RBFOX1: variants seen among roughly 807,000 people sequenced by gnomAD.
The protein encoded by RBFOX1 is RNA binding protein fox-1 homolog 1.
Under a neutral mutation model 57.7 loss-of-function variants are expected in RBFOX1, and 8 were observed. The observed-to-expected ratio is 0.14, with a 90% CI of 0.08 to 0.25. RBFOX1 has a LOEUF of 0.25. RBFOX1 is among the 10% of genes least tolerant of loss of function. The probability of loss-of-function intolerance (pLI) is 1.00; values close to 1 mark genes in which losing one functional copy is unlikely to be tolerated. For synonymous variants in RBFOX1, 326 were observed against 222.4 expected (o/e 1.47, Z -4.15); for missense variants, 611 against 548.5 (o/e 1.11, Z -1.14).
At chr16:6,620,198 A>G (rs1422965042) in intron 2 of RBFOX1, among the ~76,000 whole-genome samples, 1 of 152,216 alleles carries the variant, frequency 6.6e-6, no homozygotes, top group Non-Finnish European at 1.5e-5. Context: ...GAATTCACTC[A>G]AAACCATACA....
intron 3 of RBFOX1, among the ~76,000 whole-genome samples, chr16:5,705,001 A>T (rs1273873921): frequency 6.8e-6 from 1 of 146,572 alleles, no homozygotes; most frequent in Non-Finnish European, 1.5e-5. Flanking sequence ...CATCTCTTCC[A>T]CCAGGAATCT....
chr16:7,231,615 C>T (rs1567813594), intron 4 of RBFOX1, among the ~76,000 whole-genome samples: 1 of 152,296 alleles, frequency 6.6e-6, no homozygotes, highest in African/African-American at 2.4e-5. Context: ...CCATTCATTA[C>T]AGCCAAAAAG....
At chr16:7,325,501 C>CT (rs2096599652) in intron 4 of RBFOX1, among the ~76,000 whole-genome samples, 1 of 152,200 alleles carries the variant, frequency 6.6e-6, no homozygotes, top group South Asian at 2.1e-4. Context: ...TTAGTACATA[C>CT]TTGTCATTCT....
chr16:5,594,390 C>T (rs1037751745), intron 2 of RBFOX1, among the ~76,000 whole-genome samples: 4 of 152,158 alleles, frequency 2.6e-5, no homozygotes, highest in Admixed American at 2.6e-4. Flanking sequence ...TTTATTTTTC[C>T]AGGGTTGAGG....
intron 2 of RBFOX1, among the ~76,000 whole-genome samples, chr16:6,492,877 A>G (rs1021922310): frequency 5.3e-5 from 8 of 152,228 alleles, no homozygotes; most frequent in African/African-American, 1.9e-4. Context: ...AAACATACAC[A>G]TGCAATTGTT....
intron 3 of RBFOX1, among the ~76,000 whole-genome samples, chr16:6,886,260 C>T (rs1164482347): frequency 3.3e-5 from 5 of 151,746 alleles, no homozygotes; most frequent in Admixed American, 6.6e-5. Flanking sequence ...CGAGGTCTCA[C>T]CATGTTGGCC....
chr16:6,969,805 G>C (rs1193562042), intron 3 of RBFOX1, among the ~76,000 whole-genome samples: 1 of 152,010 alleles, frequency 6.6e-6, no homozygotes, highest in Non-Finnish European at 1.5e-5. Flanking sequence ...CCCTTCAGTT[G>C]TGTTGCCTCA....
chr16:7,073,216 A>T (rs1369910948), intron 4 of RBFOX1, among the ~76,000 whole-genome samples: 1 of 152,210 alleles, frequency 6.6e-6, no homozygotes, highest in African/African-American at 2.4e-5. Flanking sequence ...AATGGGTTTT[A>T]GATGATTAAA....
chr16:5,856,214 T>TAC (rs2057041654), intron 3 of RBFOX1, among the ~76,000 whole-genome samples: 1 of 39,216 alleles, frequency 2.5e-5, no homozygotes, highest in African/African-American at 7.3e-5. Flanking sequence ...TATACATATA[T>TAC]ATGTATATAT....
At chr16:7,073,615 G>A (rs1198534061) in intron 4 of RBFOX1, among the ~76,000 whole-genome samples, 1 of 152,096 alleles carries the variant, frequency 6.6e-6, no homozygotes, top group Admixed American at 6.5e-5. Flanking sequence ...AGGTCGAGGT[G>A]AGTGGAGCAC....
chr16:7,567,573 A>G (rs569157880), intron 5 of RBFOX1, among the ~76,000 whole-genome samples: 19 of 81,134 alleles, frequency 2.3e-4, no homozygotes, highest in Non-Finnish European at 3.0e-4. Context: ...CCCTATATAT[A>G]TATATCCCTA....
At chr16:7,404,004 G>A (rs2098289931) in intron 4 of RBFOX1, among the ~76,000 whole-genome samples, 1 of 127,670 alleles carries the variant, frequency 7.8e-6, no homozygotes, top group Admixed American at 7.7e-5. Context: ...GTGAACATGG[G>A]AGTGCATATC....
chr16:5,707,045 G>T (rs1351025779), intron 3 of RBFOX1, among the ~76,000 whole-genome samples: 1 of 152,144 alleles, frequency 6.6e-6, no homozygotes, highest in African/African-American at 2.4e-5. Flanking sequence ...CTCCAGCAGA[G>T]CACCCATCCA....
intron 1 of RBFOX1, among the ~76,000 whole-genome samples, chr16:5,340,283 G>C (rs1376665229): frequency 6.6e-6 from 1 of 152,176 alleles, no homozygotes; most frequent in Non-Finnish European, 1.5e-5. Flanking sequence ...GGGGAAAGGG[G>C]AGGAATTTGG....
At chr16:5,778,677 G>A (rs1268133934) in intron 3 of RBFOX1, among the ~76,000 whole-genome samples, 1 of 152,128 alleles carries the variant, frequency 6.6e-6, no homozygotes, top group East Asian at 1.9e-4. Context: ...TCCTGTGCGT[G>A]GCCATCTCAT....
intron 3 of RBFOX1, among the ~76,000 whole-genome samples, chr16:5,775,795 T>A (rs1435969998): frequency 2.0e-5 from 3 of 152,232 alleles, no homozygotes; most frequent in Non-Finnish European, 4.4e-5. Flanking sequence ...GAGCTAGCAA[T>A]GTCCAGATGA....
At chr16:7,457,117 C>G (rs1032983637) in intron 4 of RBFOX1, among the ~76,000 whole-genome samples, 6 of 151,948 alleles carry the variant, frequency 3.9e-5, no homozygotes, top group African/African-American at 1.4e-4. Context: ...GAACTCCTGA[C>G]CTCAGGAGAT....
chr16:6,211,820 T>TTTTATTTATTTATTTA (rs200566514), intron 1 of RBFOX1, among the ~76,000 whole-genome samples: 8 of 140,812 alleles, frequency 5.7e-5, no homozygotes, highest in South Asian at 2.2e-4. Flanking sequence ...GGAATACATC[T>TTTTATTTATTTATTTA]TTTATTTATT....
Position 5,424,872 on chromosome 16 carries a change from TTTTTTTCTTTCTTTC to T in RBFOX1, c.220-42340_220-42326del, listed in dbSNP as rs1567489426. Among the ~76,000 whole-genome samples the T allele has an allele frequency of 2.7e-4, 27 of 100,270 alleles. 1 individual carries two copies. Among genetic ancestry groups the T allele is most frequent in the African/African-American group, 9.6e-4 (25 of 26,148 alleles). 65.8% of individuals were successfully genotyped at this position (100,270 alleles called of 152,430 possible). A position where few individuals can be genotyped will look rare whatever the true frequency, so the allele number is the denominator to read the frequency against. On this transcript the variant is annotated intron_variant, in intron 1 of 2. Coordinates refer to the RBFOX1 transcript ENST00000585867. ...TTCTCTCTCTCTCTTCTTTCTTTCTTTTTTTTCTTTCTTTCTTTCTTTCTTTCTTTCTTTCTTTCT... is the reference window on the plus strand; with the variant it reads ...TTCTCTCTCTCTCTTCTTTCTTTCTTTTTCTTTCTTTCTTTCTTTCTTTCT...
Sources: gnomAD v4.1 joint callset for allele counts (sites outside exome capture counted in the v4.1 genomes callset) on GRCh38, gnomAD v4.1.1 for gene constraint, MANE v1.5 for transcripts, NCBI Gene and HGNC (gene_info 2026-07-23, HGNC 2026-07-21) for gene names.